The following LYPLAL1 variants were observed in gnomAD, a reference collection of about 807,000 sequenced individuals.
LYPLAL1 encodes lysophospholipase-like protein 1.
LYPLAL1 carries 23 observed loss-of-function variants against 19.7 expected under a neutral mutation model. That is an observed-to-expected ratio of 1.17 (90% confidence interval 0.84 to 1.65). The LOEUF (loss-of-function observed/expected upper bound fraction) is 1.65, where lower values mean the gene tolerates loss of function less well. Among genes scored for constraint, LYPLAL1 ranks in the 40% most tolerant of loss-of-function variants. The probability of loss-of-function intolerance (pLI) is 0.00; values close to 1 mark genes in which losing one functional copy is unlikely to be tolerated. For synonymous variants in LYPLAL1, 119 were observed against 96.3 expected, an observed-to-expected ratio of 1.24 and a Z score of -1.38; for missense variants, 355 against 279.4, an observed-to-expected ratio of 1.27 and a Z score of -1.93.
the LYPLAL1 span, among the ~76,000 whole-genome samples, chr1:219,430,438 A>C: frequency 6.6e-6 from 1 of 152,164 alleles, no homozygotes; most frequent in Non-Finnish European, 1.5e-5. Flanking sequence ...GGTCTCTTTA[A>C]AGGCAGGAAG....
At chr1:219,417,379 C>A in the LYPLAL1 span, among the ~76,000 whole-genome samples, 1 of 152,070 alleles carries the variant, frequency 6.6e-6, no homozygotes, top group Admixed American at 6.5e-5. Flanking sequence ...TATGTTAAAG[C>A]TGCAAATAGT....
chr1:219,295,628 C>A, the LYPLAL1 span, among the ~76,000 whole-genome samples: 2 of 152,036 alleles, frequency 1.3e-5, no homozygotes, highest in Non-Finnish European at 2.9e-5. Context: ...CCCTTCTCTT[C>A]AACTTCTCTT....
At chr1:219,231,514 G>A in the LYPLAL1 span, among the ~76,000 whole-genome samples, 12 of 152,194 alleles carry the variant, frequency 7.9e-5, no homozygotes, top group African/African-American at 2.4e-4. Context: ...CATATATTGT[G>A]TATATATATG....
the LYPLAL1 span, among the ~76,000 whole-genome samples, chr1:219,227,366 G>A: frequency 1.3e-5 from 2 of 152,120 alleles, no homozygotes; most frequent in Non-Finnish European, 1.5e-5. Context: ...TGTCTGTTTC[G>A]ATATTGTGTT....
At chr1:219,281,785 T>C in the LYPLAL1 span, among the ~76,000 whole-genome samples, 1 of 152,180 alleles carries the variant, frequency 6.6e-6, no homozygotes, top group East Asian at 1.9e-4. Context: ...GCTCCATAAC[T>C]GACAGAAATT....
At chr1:219,276,906 G>A in the LYPLAL1 span, among the ~76,000 whole-genome samples, 1 of 152,174 alleles carries the variant, frequency 6.6e-6, no homozygotes, top group South Asian at 2.1e-4. Flanking sequence ...CCGATGGTAG[G>A]ATTGGTGGTG....
At chr1:219,350,156 A>G in the LYPLAL1 span, among the ~76,000 whole-genome samples, 8 of 152,320 alleles carry the variant, frequency 5.3e-5, no homozygotes, top group African/African-American at 1.2e-4. Flanking sequence ...AAAGGTGTCT[A>G]TTTTTTAAGT....
At chr1:219,323,447 G>A in the LYPLAL1 span, among the ~76,000 whole-genome samples, 2 of 152,292 alleles carry the variant, frequency 1.3e-5, no homozygotes, top group Non-Finnish European at 2.9e-5. Context: ...TAGGGAAGCA[G>A]TAGGGTATCC....
chr1:219,427,912 C>A, the LYPLAL1 span, among the ~76,000 whole-genome samples: 1 of 152,156 alleles, frequency 6.6e-6, no homozygotes, highest in Admixed American at 6.5e-5. Context: ...GGCCTTTAGG[C>A]AGGTACCAAC....
the LYPLAL1 span, among the ~76,000 whole-genome samples, chr1:219,414,610 C>G: frequency 6.6e-6 from 1 of 152,102 alleles, no homozygotes; most frequent in Non-Finnish European, 1.5e-5. Flanking sequence ...ACTACATTAC[C>G]TAAGTTTATA....
the LYPLAL1 span, among the ~76,000 whole-genome samples, chr1:219,371,285 C>T: frequency 6.6e-6 from 1 of 152,290 alleles, no homozygotes; most frequent in South Asian, 2.1e-4. Flanking sequence ...CTGGTCCCCA[C>T]CAAGTCCTTG....
At chr1:219,434,924 A>C in the LYPLAL1 span, among the ~76,000 whole-genome samples, 1 of 151,750 alleles carries the variant, frequency 6.6e-6, no homozygotes, top group South Asian at 2.1e-4. Flanking sequence ...TGGGCCTGGG[A>C]TAATGGTCCA....
At chr1:219,382,180 ATGAAGAATCTGACTCTACATCTCAG>A in the LYPLAL1 span, among the ~76,000 whole-genome samples, 1 of 152,210 alleles carries the variant, frequency 6.6e-6, no homozygotes, top group Non-Finnish European at 1.5e-5. Context: ...CCCTCTCTGG[ATGAAGAATCTGACTCTACATCTCAG>A]TGTTTCCTTC....
At chr1:219,375,646 A>C in the LYPLAL1 span, among the ~76,000 whole-genome samples, 1 of 152,210 alleles carries the variant, frequency 6.6e-6, no homozygotes, top group East Asian at 1.9e-4. Flanking sequence ...ATAAACATTT[A>C]TCCTAAAATT....
the LYPLAL1 span, among the ~76,000 whole-genome samples, chr1:219,268,197 G>T: frequency 6.6e-6 from 1 of 152,036 alleles, no homozygotes; most frequent in African/African-American, 2.4e-5. Flanking sequence ...AGTACATTAT[G>T]CATTATATTA....
the LYPLAL1 span, among the ~76,000 whole-genome samples, chr1:219,337,794 C>A: frequency 2.6e-5 from 4 of 151,938 alleles, no homozygotes; most frequent in African/African-American, 4.8e-5. Flanking sequence ...ATAACAAGGA[C>A]CAAACTGTGT....
the LYPLAL1 span, among the ~76,000 whole-genome samples, chr1:219,379,714 A>G: frequency 1.3e-5 from 2 of 152,212 alleles, no homozygotes; most frequent in Admixed American, 6.5e-5. Context: ...AAGTCCCTTT[A>G]CATTCCATTT....
chr1:219,229,223 AC>A, the LYPLAL1 span, among the ~76,000 whole-genome samples: 2 of 150,378 alleles, frequency 1.3e-5, no homozygotes, highest in Non-Finnish European at 3.0e-5. Flanking sequence ...TTTAAATGAT[AC>A]GGAAGCGGGG....
the LYPLAL1 span, among the ~76,000 whole-genome samples, chr1:219,360,032 T>G: frequency 6.6e-6 from 1 of 152,192 alleles, no homozygotes; most frequent in African/African-American, 2.4e-5. Context: ...AACTTTCATG[T>G]ATCCCGAAAC....
Sources: gnomAD v4.1 joint callset for allele counts (sites outside exome capture counted in the v4.1 genomes callset) on GRCh38, gnomAD v4.1.1 for gene constraint, MANE v1.5 for transcripts, NCBI Gene and HGNC (gene_info 2026-07-23, HGNC 2026-07-21) for gene names.